Variants in CYP4A11 observed in about 807,000 individuals in gnomAD.
CYP4A11 encodes the protein cytochrome P450 family 4 subfamily A member 11, also known as cytochrome P450 4A11.
In CYP4A11, 52 loss-of-function variants were observed where a neutral mutation model predicts 57.7. That is an observed-to-expected ratio of 0.90 (90% CI 0.72 to 1.14). The LOEUF (loss-of-function observed/expected upper bound fraction) is 1.14, where lower values mean the gene tolerates loss of function less well. CYP4A11 is among the 50% of genes most tolerant of loss of function. The pLI is 0.00. For synonymous variants in CYP4A11, 228 were observed against 247.1 expected, an observed-to-expected ratio of 0.92 and a Z score of 0.72; for missense variants, 641 against 642.1, an observed-to-expected ratio of 1.00 and a Z score of 0.02.
Position 46,941,464 on chromosome 1 carries a change from C to T in CYP4A11, c.-31G>A, listed in dbSNP as rs1681752351. 1.9e-6 allele frequency: 3 copies of T among 1,605,000 alleles called. No individual in the cohort carries two copies. In the East Asian group the frequency reaches 6.7e-5, roughly 36 times the overall value. On this transcript the variant is annotated 5_prime_UTR_variant, in exon 1 of 12. Coordinates refer to ENST00000310638, the MANE Select transcript of CYP4A11 (RefSeq NM_000778.4). Reference sequence around the variant, plus strand: ...AGCACCTGCTGGATCTCTGAGTGCCCCTACCTCTCTCTGACCACCCCCGTC... The same window carrying T: ...AGCACCTGCTGGATCTCTGAGTGCCTCTACCTCTCTCTGACCACCCCCGTC...
chr1:46,935,527 C>G lies in CYP4A11; in HGVS notation c.631G>C (p.Asp211His), dbSNP rs539428854. The G allele has an allele frequency of 1.2e-6, 2 of 1,613,762 alleles. No individual in the cohort carries two copies. Among genetic ancestry groups the G allele is most frequent in the Non-Finnish European group, 1.7e-6 (2 of 1,179,790 alleles). The change falls in exon 5 of 12, where the codon GAC becomes CAC. Residue 211 changes from aspartate (D) to histidine (H), a missense_variant. By Grantham distance (81) the Asp-to-His change is moderately conservative. Transcript: ENST00000310638. ...AFSHQGSIQVDRNSQSYIQAI... is the reference protein window; with the variant it reads ...AFSHQGSIQVHRNSQSYIQAI... ...AGCTGGAGGGTTGTCACTGACCTGT[C>G]CACCTGGATGCTGCCCTGATGGCTG...
chr1:46,931,853 G>T, intron 11 of CYP4A11: 1 of 900,230 alleles, frequency 1.1e-6, no homozygotes, highest in Non-Finnish European at 1.3e-6. Flanking sequence ...GTCACAGGAC[G>T]ATTCCTGATG....
At position 46,935,575 on chromosome 1, in the gene CYP4A11, C is replaced by A; in HGVS notation, c.583G>T (p.Asp195Tyr). 6.2e-7 allele frequency: 1 copy of A among 1,613,960 alleles called. No individual in the cohort carries two copies. Among genetic ancestry groups the A allele is most frequent in the South Asian group, 1.1e-5 (1 of 91,074 alleles). ...CTGAAGGCACACTTCATGATGGTGT[C>A]CAGGGTCATCAAGGAGACGTGCTGA... ...VFQHVSLMTLDTIMKCAFSHQ... is the reference protein window; with the variant it reads ...VFQHVSLMTLYTIMKCAFSHQ... Residue 195 changes from aspartate (D) to tyrosine (Y), a missense_variant, in exon 5 of 12, where the codon GAC becomes TAC. Transcript: ENST00000310638.
At chr1:46,936,839 G>C in intron 3 of CYP4A11, 48 bp from the exon 4 acceptor site, 1 of 1,522,598 alleles carries the variant, frequency 6.6e-7, no homozygotes, top group East Asian at 2.4e-5. Flanking sequence ...GTGTGTGTGT[G>C]TGTGTCAGGG....
chr1:46,936,845 CA>C, intron 3 of CYP4A11, 54 bp from the exon 4 acceptor site: 3 of 1,458,798 alleles, frequency 2.1e-6, no homozygotes, highest in Non-Finnish European at 2.7e-6. Context: ...GTGTGTGTGT[CA>C]GGGGCTGCAA....
chr1:46,940,938 A>G (rs898158805), intron 1 of CYP4A11: 2 of 985,278 alleles, frequency 2.0e-6, no homozygotes, highest in Admixed American at 6.1e-5. Context: ...GCCAAGGCTT[A>G]TGGGGTAATC....
chr1:46,930,443 A>T (rs9333033), intron 11 of CYP4A11, 133 bp from the exon 12 acceptor site: 64,698 of 995,108 alleles, frequency 0.065, 3,211 homozygotes, highest in East Asian at 0.21. Context: ...CCCTGCACAC[A>T]TACAGCCCAT....
At position 46,933,894 on chromosome 1, in the gene CYP4A11, C is replaced by T; in HGVS notation, c.1222+52G>A. Reference sequence around the variant, plus strand: ...CTGATGCACACATGGATTTCTCACCCTCCACACGTCCCTGTGGAGAGTTTA... The same window carrying T: ...CTGATGCACACATGGATTTCTCACCTTCCACACGTCCCTGTGGAGAGTTTA... On this transcript the variant is annotated intron_variant, in intron 9 of 11. Transcript: ENST00000310638. The T allele has an allele frequency of 3.7e-6, 6 of 1,605,354 alleles. No individual in the cohort carries two copies. The East Asian group carries it at 6.7e-5, about 18-fold the overall frequency.
chr1:46,931,953 G>A lies in CYP4A11; in HGVS notation c.1364+808C>T, dbSNP rs9333020. The A allele has an allele frequency of 1.1e-3, 1,097 of 984,306 alleles. 6 individuals carry two copies. The African/African-American group carries it at 0.012, about 11-fold the overall frequency. The allele number at this position is 984,306 out of a possible 1,614,324, so 61.0% of individuals were successfully genotyped here. A position where few individuals can be genotyped will look rare whatever the true frequency, so the allele number is the denominator to read the frequency against. ...GTGTTTTATATTTCACATACCAGGA[G>A]GCTTCAAATGTTGTGCGTTATATGA... On this transcript the variant is annotated intron_variant, in intron 11 of 11. Coordinates refer to ENST00000310638, the MANE Select transcript of CYP4A11 (RefSeq NM_000778.4).
Position 46,936,760 on chromosome 1 carries a change from T to C in CYP4A11, c.414A>G (p.Thr138=). The change falls in exon 4 of 12, where the codon ACA becomes ACG. Residue 138 remains threonine, a synonymous_variant. Coordinates refer to ENST00000310638, the MANE Select transcript of CYP4A11 (RefSeq NM_000778.4). ...GYGLLLLNGQ[T]WFQHRRMLTP... ...TCAGCATCCGTCGATGCTGGAACCA[T>C]GTCTGCCCATTCAACAGGAGCAAGC... 2 of 1,613,792 alleles carry C rather than the reference T, an allele frequency of 1.2e-6. No individual in the cohort carries two copies. Among genetic ancestry groups the C allele is most frequent in the South Asian group, 2.2e-5 (2 of 91,004 alleles).
At position 46,932,991 on chromosome 1, in the gene CYP4A11, T is replaced by G. The variant is rs769700393; in HGVS notation, c.1279A>C (p.Asn427His). ...GLHHNPKVWP[N>H]PEVFDPFRFA... Reference sequence around the variant, plus strand: ...TCTCAAGGACCACATACCTCTGGGTTGGGCCACACTTTTGGGTTGTGGTGA... The same window carrying G: ...TCTCAAGGACCACATACCTCTGGGTGGGGCCACACTTTTGGGTTGTGGTGA... The change falls in exon 10 of 12, where the codon AAC becomes CAC. Residue 427 changes from asparagine to histidine, a missense_variant. Transcript: ENST00000310638. 10 of 1,614,072 alleles carry G rather than the reference T, an allele frequency of 6.2e-6. No individual in the cohort carries two copies. Among genetic ancestry groups the G allele is most frequent in the African/African-American group, 2.7e-5 (2 of 74,916 alleles).
At position 46,935,598 on chromosome 1, in the gene CYP4A11, T is replaced by C; in HGVS notation, c.560A>G (p.Gln187Arg). The change falls in exon 5 of 12, where the codon CAG becomes CGG. Residue 187 changes from glutamine (Q) to arginine (R), a missense_variant. Coordinates refer to ENST00000310638, the MANE Select transcript of CYP4A11 (RefSeq NM_000778.4). ...GTCCAGGGTCATCAAGGAGACGTGC[T>C]GAAAGACCTCCAGAGGGGAATCCTG... ...LGQDSPLEVF[Q>R]HVSLMTLDTI... The C allele has an allele frequency of 6.2e-7, 1 of 1,613,982 alleles. No homozygotes were observed. Among genetic ancestry groups the C allele is most frequent in the Non-Finnish European group, 8.5e-7 (1 of 1,179,862 alleles).
chr1:46,933,906 C>A, intron 9 of CYP4A11, 40 bp downstream of exon 9: 2 of 1,612,406 alleles, frequency 1.2e-6, no homozygotes, highest in African/African-American at 1.3e-5. Context: ...CCACACGTCC[C>A]TGTGGAGAGT....
At position 46,930,301 on chromosome 1, in the gene CYP4A11, G is replaced by A. The variant is rs1126743; in HGVS notation, c.1374C>T (p.Ile458=). ...LPFSGGSRNC[I]GKQFAMNELK... Reference sequence around the variant, plus strand: ...GCTCGTTCATGGCAAATTGTTTCCCGATGCAGTTCCTGGGCCAGGTGGAGA... The same window carrying A: ...GCTCGTTCATGGCAAATTGTTTCCCAATGCAGTTCCTGGGCCAGGTGGAGA... Residue 458 remains isoleucine (I), a synonymous_variant, in exon 12 of 12, where the codon ATC becomes ATT. Coordinates refer to ENST00000310638, the MANE Select transcript of CYP4A11 (RefSeq NM_000778.4). The A allele has an allele frequency of 0.75, 1,204,180 of 1,612,116 alleles. 458,410 individuals are homozygous for A. Among genetic ancestry groups the A allele is most frequent in the Non-Finnish European group, 0.79 (930,645 of 1,178,782 alleles).
chr1:46,934,419 G>C lies in CYP4A11; in HGVS notation c.897+34C>G. Reference sequence around the variant, plus strand: ...GCTTGTCTCTTGCTATGTACTTCTGGGCAAAGACTCAGGCCTCTCCTACAC... The same window carrying C: ...GCTTGTCTCTTGCTATGTACTTCTGCGCAAAGACTCAGGCCTCTCCTACAC... On this transcript the variant is annotated intron_variant, in intron 7 of 11. Transcript: ENST00000310638. 2.5e-6 allele frequency: 4 copies of C among 1,601,360 alleles called. No homozygotes were observed. The South Asian group carries it at 4.5e-5, about 18-fold the overall frequency.
chr1:46,937,314 C>T lies in CYP4A11; in HGVS notation c.370G>A (p.Ala124Thr), dbSNP rs1388832509. ...TTTGCACACATACCAATCCATGGAG[C>T]CAGGAATCTGTAGGAACCATGGGAT... is the stretch of plus-strand genomic sequence containing the variant. Reference protein sequence around the residue: ...PKSHGSYRFLAPWIGYGLLLL... With the variant: ...PKSHGSYRFLTPWIGYGLLLL... Residue 124 changes from alanine (A) to threonine (T), a missense_variant, in exon 3 of 12, where the codon GCT becomes ACT. By Grantham distance (58) the Ala-to-Thr change is moderately conservative. Transcript: ENST00000310638. The T allele has an allele frequency of 6.2e-7, 1 of 1,613,684 alleles. No homozygotes were observed. The highest frequency in any genetic ancestry group is 1.3e-5 in the African/African-American group (1 of 74,852).
intron 1 of CYP4A11, among the ~76,000 whole-genome samples, chr1:46,939,077 T>G (rs888776244): frequency 6.6e-6 from 1 of 152,204 alleles, no homozygotes; most frequent in African/African-American, 2.4e-5. Context: ...CAGCTTTGCT[T>G]TAATCTCATC....
intron 4 of CYP4A11, among the ~76,000 whole-genome samples, chr1:46,935,894 A>G (rs1681359587): frequency 6.6e-6 from 1 of 152,210 alleles, no homozygotes; most frequent in Non-Finnish European, 1.5e-5. Flanking sequence ...TCACAATAGC[A>G]TGGATTAAGT....
chr1:46,932,360 A>T (rs1570057555), intron 11 of CYP4A11: 1 of 1,096,496 alleles, frequency 9.1e-7, no homozygotes, highest in East Asian at 6.6e-5. Context: ...TGCATTGAGG[A>T]TGTGTGGGGG....
Sources: allele counts gnomAD v4.1 joint callset (sites outside exome capture counted in the v4.1 genomes callset), GRCh38; gene constraint gnomAD v4.1.1; transcripts MANE v1.5; gene names NCBI Gene and HGNC (gene_info 2026-07-23, HGNC 2026-07-21).